The following ZNF577 variants were observed in gnomAD, a reference collection of about 807,000 sequenced individuals.
The protein encoded by ZNF577 is zinc finger protein 577.
Under a neutral mutation model 13.9 loss-of-function variants are expected in ZNF577, and 14 were observed. The observed-to-expected ratio is 1.00, with a 90% CI of 0.66 to 1.57. The LOEUF is 1.57. ZNF577 is among the 40% of genes most tolerant of loss of function. The probability of loss-of-function intolerance (pLI) is 0.00; values close to 1 mark genes in which losing one functional copy is unlikely to be tolerated. For missense variants in ZNF577, 555 were observed against 579.2 expected (o/e 0.96, Z 0.43); for synonymous variants, 203 against 202.9 (o/e 1.00, Z 0.00).
intron 5 of ZNF577, among the ~76,000 whole-genome samples, chr19:51,876,482 G>A (rs1008325871): frequency 2.6e-5 from 4 of 152,048 alleles, no homozygotes; most frequent in South Asian, 2.1e-4. Flanking sequence ...CTGGAAAGGC[G>A]GGGAGCAGTG....
At position 51,824,850 on chromosome 19, in the gene ZNF577, C is replaced by T. The variant is rs1434787303; in HGVS notation, c.*600-13176G>A. ...TTGGGCTCTGTCTCTTTCTACCCTG[C>T]GTTAAGCGGAAAAAAAAAATTCTGA... On this transcript the variant is annotated intron_variant and NMD_transcript_variant, in intron 9 of 10. Transcript: ENST00000638827. This position sits in a 1 kb window ranked among gnomAD's most constrained non-coding sequence, Gnocchi z 4.7. 5.4e-6 allele frequency: 8 copies of T among 1,483,134 alleles called. No homozygotes were observed. The highest frequency in any genetic ancestry group is 1.8e-4 in the Middle Eastern group (1 of 5,636). 91.9% of individuals were successfully genotyped at this position (1,483,134 alleles called of 1,614,324 possible). A position where few individuals can be genotyped will look rare whatever the true frequency, so the allele number is the denominator to read the frequency against.
At chr19:51,855,146 A>C (rs2084404873) in intron 5 of ZNF577, among the ~76,000 whole-genome samples, 1 of 152,090 alleles carries the variant, frequency 6.6e-6, no homozygotes, top group African/African-American at 2.4e-5. Context: ...TGAATATAGA[A>C]ATTTTAGATC....
chr19:51,820,925 C>T (rs1214354461), intron 9 of ZNF577, among the ~76,000 whole-genome samples: 1 of 152,180 alleles, frequency 6.6e-6, no homozygotes, highest in African/African-American at 2.4e-5. Context: ...GCTGTGAGAG[C>T]AGTTGTTAGG....
At chr19:51,843,557 C>G (rs1321482840) in intron 6 of ZNF577, among the ~76,000 whole-genome samples, 1 of 152,164 alleles carries the variant, frequency 6.6e-6, no homozygotes, top group Non-Finnish European at 1.5e-5. Context: ...TCTTTTAAAC[C>G]TTTAAACTAC....
intron 5 of ZNF577, among the ~76,000 whole-genome samples, chr19:51,859,692 T>C (rs1369965385): frequency 6.6e-6 from 1 of 152,140 alleles, no homozygotes; most frequent in African/African-American, 2.4e-5. Context: ...GAATTCACAC[T>C]TACGTGGTAT....
chr19:51,879,054 A>G (rs575936645), intron 3 of ZNF577, among the ~76,000 whole-genome samples: 54 of 151,476 alleles, frequency 3.6e-4, no homozygotes, highest in Middle Eastern at 3.4e-3. Flanking sequence ...TCGGGAGATT[A>G]AGACTATCCT....
At chr19:51,829,330 A>G (rs1420896962) in intron 9 of ZNF577, among the ~76,000 whole-genome samples, 1 of 152,154 alleles carries the variant, frequency 6.6e-6, no homozygotes, top group Non-Finnish European at 1.5e-5. Flanking sequence ...CCTGGAGTCA[A>G]CACGTCTTGT....
intron 6 of ZNF577, among the ~76,000 whole-genome samples, chr19:51,843,752 A>G (rs1296282161): frequency 6.6e-6 from 1 of 152,236 alleles, no homozygotes; most frequent in Non-Finnish European, 1.5e-5. Context: ...ACTAAGACAG[A>G]AGTATGCTCA....
Position 51,855,367 on chromosome 19 carries a change from C to CTGTGTGTGTGTG in ZNF577, c.284-10448_284-10437dup, listed in dbSNP as rs55937420. On this transcript the variant is annotated intron_variant and NMD_transcript_variant, in intron 5 of 10. Coordinates refer to the ZNF577 transcript ENST00000638827. The stretch of plus-strand genomic sequence containing the variant: ...AGTTTTCCACTCTTTGCTGAGGGTG[C>CTGTGTGTGTGTG]TGTGTGTGTGTGTGTGTGTGTGTGT... Among the ~76,000 whole-genome samples the CTGTGTGTGTGTG allele has an allele frequency of 4.9e-3, 701 of 143,524 alleles. 9 individuals are homozygous for CTGTGTGTGTGTG. The highest frequency in any genetic ancestry group is 0.015 in the African/African-American group (558 of 38,056). 94.2% of individuals were successfully genotyped at this position (143,524 alleles called of 152,430 possible).
At chr19:51,804,773 G>T (rs573171317), downstream of ZNF577, 1 of 152,196 alleles carries the variant, frequency 6.6e-6, no homozygotes, top group Non-Finnish European at 1.5e-5. Context: ...TGAACAAAGG[G>T]GGGTGAATGC....
At chr19:51,815,580 G>A (rs1388202008) in intron 9 of ZNF577, among the ~76,000 whole-genome samples, 2 of 125,874 alleles carry the variant, frequency 1.6e-5, no homozygotes, top group African/African-American at 3.0e-5. Flanking sequence ...AAAAAAAAAA[G>A]GTAGACACCA....
At chr19:51,815,853 C>A (rs1246278060) in intron 9 of ZNF577, among the ~76,000 whole-genome samples, 1 of 146,374 alleles carries the variant, frequency 6.8e-6, no homozygotes, top group Non-Finnish European at 1.5e-5. Context: ...TAGAATGAGA[C>A]CCTGTCTCAA....
chr19:51,867,751 C>T lies in ZNF577; in HGVS notation c.*4781G>A, dbSNP rs2084588608. 6.6e-6 allele frequency among the ~76,000 whole-genome samples: 1 copy of T among 152,078 alleles called. No individual in the cohort carries two copies. The highest frequency in any genetic ancestry group is 1.5e-5 in the Non-Finnish European group (1 of 68,012). On this transcript the variant is annotated 3_prime_UTR_variant, in exon 6 of 6. Transcript: ENST00000638348. ...AGTGACCCACGATTACGCCACTGCA[C>T]TCCAGCCTGGGCAAAAGAGCGAAAC...
At chr19:51,818,000 TCTTTA>T (rs1298369627) in intron 9 of ZNF577, among the ~76,000 whole-genome samples, 23 of 152,158 alleles carry the variant, frequency 1.5e-4, no homozygotes, top group East Asian at 9.6e-4. Flanking sequence ...TTTTTTCTTT[TCTTTA>T]CTTTTCTTTT....
intron 5 of ZNF577, among the ~76,000 whole-genome samples, chr19:51,853,922 G>T (rs554443876): frequency 6.6e-6 from 1 of 152,064 alleles, no homozygotes; most frequent in African/African-American, 2.4e-5. Flanking sequence ...AAATAGTTCA[G>T]TCGAAAGAAG....
chr19:51,857,903 G>T (rs1259168999), intron 5 of ZNF577, among the ~76,000 whole-genome samples: 1 of 151,760 alleles, frequency 6.6e-6, no homozygotes, highest in African/African-American at 2.4e-5. Context: ...CAAACTCCTG[G>T]GCTCAAGGGA....
chr19:51,880,471 G>C, intron 2 of ZNF577, 70 bp from the exon 3 acceptor site: 1 of 1,365,488 alleles, frequency 7.3e-7, no homozygotes, highest in Non-Finnish European at 1.0e-6. Flanking sequence ...ACTTAGCTAT[G>C]TTCCGACATT....
chr19:51,815,224 T>C (rs921814945), intron 9 of ZNF577, among the ~76,000 whole-genome samples: 8 of 152,030 alleles, frequency 5.3e-5, no homozygotes, highest in Admixed American at 3.9e-4. Flanking sequence ...GCCCCACCCA[T>C]TGACTTTCAG....
At chr19:51,831,176 T>C (rs893495993) in intron 9 of ZNF577, among the ~76,000 whole-genome samples, 4 of 152,120 alleles carry the variant, frequency 2.6e-5, no homozygotes, top group Admixed American at 2.6e-4. Flanking sequence ...AGTGCTGTGG[T>C]GCGATCTTCA....
Sources: allele counts gnomAD v4.1 joint callset (sites outside exome capture counted in the v4.1 genomes callset), GRCh38; gene constraint gnomAD v4.1.1; non-coding constraint Gnocchi (gnomAD v3.1); transcripts MANE v1.5; gene names NCBI Gene and HGNC (gene_info 2026-07-23, HGNC 2026-07-21).